The following PHACTR1 variants were observed in gnomAD, a reference collection of about 807,000 sequenced individuals.
PHACTR1 encodes RPEL repeat containing 1.
Under a neutral mutation model 69.2 loss-of-function variants are expected in PHACTR1, and 16 were observed. That is an observed-to-expected ratio of 0.23 (90% CI 0.16 to 0.35). The LOEUF is 0.35. Among genes scored for constraint, PHACTR1 ranks in the 10% least tolerant of loss-of-function variants. The pLI is 1.00. For missense variants in PHACTR1, 510 were observed against 734.7 expected (o/e 0.69, Z 3.54); for synonymous variants, 312 against 284.5 (o/e 1.10, Z -0.97).
At chr6:12,765,847 A>G (rs1237173510) in intron 4 of PHACTR1, among the ~76,000 whole-genome samples, 2 of 152,170 alleles carry the variant, frequency 1.3e-5, no homozygotes, top group African/African-American at 2.4e-5. Flanking sequence ...TATTCAACTC[A>G]TGGCCTCCTC....
At chr6:13,122,544 G>A (rs1454137905) in intron 5 of PHACTR1, among the ~76,000 whole-genome samples, 1 of 152,234 alleles carries the variant, frequency 6.6e-6, no homozygotes, top group Non-Finnish European at 1.5e-5. Flanking sequence ...TTTCCCGCTA[G>A]AATGAGGGCA....
intron 4 of PHACTR1, among the ~76,000 whole-genome samples, chr6:12,815,508 C>T (rs1775482519): frequency 6.6e-6 from 1 of 152,312 alleles, no homozygotes; most frequent in Admixed American, 6.5e-5. Flanking sequence ...ATGAAGCTTA[C>T]TCTTACTTTG....
intron 3 of PHACTR1, among the ~76,000 whole-genome samples, chr6:12,720,135 A>G (rs1272219537): frequency 6.6e-6 from 1 of 152,218 alleles, no homozygotes; most frequent in African/African-American, 2.4e-5. Flanking sequence ...TCTGCAAGTA[A>G]GAAAATGCTG....
At chr6:12,825,578 A>G (rs572305466) in intron 4 of PHACTR1, among the ~76,000 whole-genome samples, 20 of 152,300 alleles carry the variant, frequency 1.3e-4, no homozygotes, top group African/African-American at 4.8e-4. Context: ...GATCAATCTC[A>G]TCATTCTGGT....
intron 8 of PHACTR1, among the ~76,000 whole-genome samples, chr6:13,211,826 CA>C (rs776478225): frequency 5.1e-4 from 77 of 152,206 alleles, no homozygotes; most frequent in Non-Finnish European, 2.2e-4. Context: ...ACCTGCTCTG[CA>C]GCCCATCCCC....
chr6:13,182,028 G>A (rs186539536), intron 6 of PHACTR1, among the ~76,000 whole-genome samples: 172 of 152,352 alleles, frequency 1.1e-3, no homozygotes, highest in Non-Finnish European at 1.9e-3. Flanking sequence ...GAGGTTGGGA[G>A]TTTGAGACCA....
At chr6:13,272,589 C>A in intron 10 of PHACTR1, 1 of 887,752 alleles carries the variant, frequency 1.1e-6, no homozygotes, top group South Asian at 1.9e-5. Context: ...AGTCCACTTG[C>A]CTGGGGCCAC....
At chr6:13,028,129 T>C (rs1336413310) in intron 4 of PHACTR1, among the ~76,000 whole-genome samples, 1 of 152,204 alleles carries the variant, frequency 6.6e-6, no homozygotes, top group Non-Finnish European at 1.5e-5. Context: ...ATCACACATA[T>C]GTCTTGTTTT....
At chr6:12,990,224 C>T (rs1454217350) in intron 4 of PHACTR1, among the ~76,000 whole-genome samples, 3 of 152,208 alleles carry the variant, frequency 2.0e-5, no homozygotes, top group Non-Finnish European at 2.9e-5. Context: ...GCCACCCTTA[C>T]ACCCCGTTTC....
intron 4 of PHACTR1, chr6:12,933,851 A>G (rs1789147893): frequency 1.2e-6 from 2 of 1,612,526 alleles, no homozygotes; most frequent in South Asian, 1.1e-5. Context: ...TAAGAGAAGG[A>G]GGGTGGTTTG....
chr6:13,208,937 C>T lies in PHACTR1; in HGVS notation c.986+2801C>T, dbSNP rs192710250. Among the ~76,000 whole-genome samples, 81 of 152,236 alleles carry T rather than the reference C, an allele frequency of 5.3e-4. No individual in the cohort carries two copies. The East Asian group carries it at 0.01, about 19-fold the overall frequency. On this transcript the variant is annotated intron_variant, in intron 8 of 14. Transcript: ENST00000332995. ...GGCAGCAGAGCCAAGGCAGTCTCTG[C>T]GCTTTGTCCCAACTCAGAGTCATTT...
chr6:12,961,685 T>C (rs1326276049), intron 4 of PHACTR1, among the ~76,000 whole-genome samples: 1 of 152,224 alleles, frequency 6.6e-6, no homozygotes, highest in Non-Finnish European at 1.5e-5. Context: ...GGATAGTCCA[T>C]AGCTGATGTA....
intron 5 of PHACTR1, among the ~76,000 whole-genome samples, chr6:13,068,584 C>T (rs1320395672): frequency 6.6e-5 from 10 of 152,100 alleles, no homozygotes; most frequent in Non-Finnish European, 2.9e-5. Context: ...CATTTCAGTG[C>T]TGAGTTTAGG....
At chr6:13,197,034 A>G (rs1456343032) in intron 7 of PHACTR1, among the ~76,000 whole-genome samples, 3 of 152,224 alleles carry the variant, frequency 2.0e-5, no homozygotes, top group African/African-American at 7.2e-5. Flanking sequence ...TGAAAGCCCT[A>G]TTAGCAACAC....
At chr6:13,174,095 T>C (rs1167666075) in intron 6 of PHACTR1, among the ~76,000 whole-genome samples, 2 of 152,222 alleles carry the variant, frequency 1.3e-5, no homozygotes, top group Non-Finnish European at 2.9e-5. Flanking sequence ...ACGAAGTCTC[T>C]ATTTCAGCCT....
intron 5 of PHACTR1, among the ~76,000 whole-genome samples, chr6:13,125,161 AGTT>A (rs1343807929): frequency 6.6e-6 from 1 of 152,234 alleles, no homozygotes; most frequent in Non-Finnish European, 1.5e-5. Context: ...AACCAGAGAA[AGTT>A]GAAAACCAGC....
intron 5 of PHACTR1, among the ~76,000 whole-genome samples, chr6:13,112,101 T>C (rs1817138860): frequency 6.6e-6 from 1 of 152,150 alleles, no homozygotes; most frequent in Non-Finnish European, 1.5e-5. Context: ...ATCATTTAGC[T>C]CCCACTTATA....
chr6:13,198,217 T>G (rs1046308608), intron 7 of PHACTR1, among the ~76,000 whole-genome samples: 1 of 152,150 alleles, frequency 6.6e-6, no homozygotes, highest in Non-Finnish European at 1.5e-5. Flanking sequence ...AATTACTACA[T>G]CACACATAGC....
intron 4 of PHACTR1, among the ~76,000 whole-genome samples, chr6:12,791,459 G>A (rs569522673): frequency 5.3e-5 from 8 of 152,232 alleles, no homozygotes; most frequent in African/African-American, 1.2e-4. Context: ...AAAGCCTTAC[G>A]GTGAAGTATG....
Sources: allele counts gnomAD v4.1 joint callset (sites outside exome capture counted in the v4.1 genomes callset), GRCh38; gene constraint gnomAD v4.1.1; transcripts MANE v1.5; gene names NCBI Gene and HGNC (gene_info 2026-07-23, HGNC 2026-07-21).